Variants in UNC5C observed in about 807,000 individuals in gnomAD.
UNC5C encodes the protein unc-5 netrin receptor C.
In UNC5C, 47 loss-of-function variants were observed where a neutral mutation model predicts 99.8. That is an observed-to-expected ratio of 0.47 (90% CI 0.37 to 0.60). The LOEUF is 0.60. Ranked by LOEUF, UNC5C falls within the 20% of genes least tolerant of loss-of-function variation. The pLI is 0.00. For synonymous variants in UNC5C, 487 were observed against 452.2 expected (o/e 1.08, Z -0.98); for missense variants, 1,062 against 1,165.9 (o/e 0.91, Z 1.30).
intron 2 of UNC5C, among the ~76,000 whole-genome samples, chr4:95,314,584 A>G (rs550158218): frequency 2.0e-3 from 297 of 152,304 alleles, no homozygotes; most frequent in Admixed American, 2.7e-3. Context: ...AGTTCTGACT[A>G]ATTTTGGACA....
intron 1 of UNC5C, among the ~76,000 whole-genome samples, chr4:95,398,940 C>A (rs566733114): frequency 1.1e-3 from 174 of 152,224 alleles, no homozygotes; most frequent in African/African-American, 4.1e-3. Flanking sequence ...TTGTTTCTTA[C>A]TGGAGAGGAA....
chr4:95,385,345 T>A (rs1201414582), intron 1 of UNC5C, among the ~76,000 whole-genome samples: 1 of 152,200 alleles, frequency 6.6e-6, no homozygotes, highest in Non-Finnish European at 1.5e-5. Context: ...GCTGTACTGC[T>A]CAATTTTGTT....
intron 1 of UNC5C, among the ~76,000 whole-genome samples, chr4:95,515,149 T>C (rs1722180344): frequency 6.6e-6 from 1 of 152,202 alleles, no homozygotes; most frequent in Non-Finnish European, 1.5e-5. Flanking sequence ...AAGCTAACAA[T>C]GATTAGAAAT....
At chr4:95,255,866 A>G (rs2149384203) in intron 4 of UNC5C, among the ~76,000 whole-genome samples, 1 of 152,168 alleles carries the variant, frequency 6.6e-6, no homozygotes, top group South Asian at 2.1e-4. Context: ...AACTCCTTGG[A>G]ATAGTTGTTT....
intron 1 of UNC5C, among the ~76,000 whole-genome samples, chr4:95,510,738 A>G (rs1386095385): frequency 1.3e-5 from 2 of 152,162 alleles, no homozygotes; most frequent in East Asian, 3.8e-4. Flanking sequence ...ATCAAGGAAC[A>G]TCTTTTGGTA....
At chr4:95,354,412 A>G (rs868294917) in intron 1 of UNC5C, among the ~76,000 whole-genome samples, 2 of 149,290 alleles carry the variant, frequency 1.3e-5, no homozygotes, top group African/African-American at 5.0e-5. Context: ...CACAACACGC[A>G]GTTTCTACAC....
chr4:95,222,311 A>C, intron 7 of UNC5C: 1 of 1,195,826 alleles, frequency 8.4e-7, no homozygotes, highest in Non-Finnish European at 1.1e-6. Flanking sequence ...ACAAAATCAA[A>C]TTAATGAGGG....
intron 2 of UNC5C, among the ~76,000 whole-genome samples, chr4:95,313,245 T>G (rs1742335975): frequency 6.6e-6 from 1 of 151,990 alleles, no homozygotes; most frequent in South Asian, 2.1e-4. Context: ...GAAGAGAAGA[T>G]TCATGAAGAG....
At chr4:95,544,018 C>G (rs1242691628) in intron 1 of UNC5C, among the ~76,000 whole-genome samples, 2 of 152,072 alleles carry the variant, frequency 1.3e-5, no homozygotes, top group African/African-American at 4.8e-5. Flanking sequence ...AATTATTGAC[C>G]TTTAGTTTCT....
intron 4 of UNC5C, among the ~76,000 whole-genome samples, chr4:95,265,457 C>A (rs1740408956): frequency 6.6e-6 from 1 of 152,130 alleles, no homozygotes; most frequent in African/African-American, 2.4e-5. Context: ...TTGAATTTCT[C>A]TTTTCCATTC....
chr4:95,371,468 AGAT>A (rs1744747764), intron 1 of UNC5C, among the ~76,000 whole-genome samples: 1 of 151,724 alleles, frequency 6.6e-6, no homozygotes, highest in African/African-American at 2.4e-5. Context: ...GAGTTGGAAA[AGAT>A]GAAAACTGAT....
intron 1 of UNC5C, among the ~76,000 whole-genome samples, chr4:95,393,861 TTTA>T (rs1745431804): frequency 1.4e-5 from 2 of 146,488 alleles, no homozygotes; most frequent in Admixed American, 1.3e-4. Context: ...TTTTTTTTTT[TTTA>T]AAAAAAAACA....
chr4:95,287,155 G>A (rs1398943947), intron 3 of UNC5C, among the ~76,000 whole-genome samples: 1 of 152,132 alleles, frequency 6.6e-6, no homozygotes. Context: ...GGTGAGTAAA[G>A]CTGTTTTTGT....
intron 1 of UNC5C, among the ~76,000 whole-genome samples, chr4:95,526,326 C>G (rs1163792418): frequency 6.6e-6 from 1 of 152,078 alleles, no homozygotes; most frequent in African/African-American, 2.4e-5. Flanking sequence ...ATTATGTGGT[C>G]TCCCTACCTC....
intron 1 of UNC5C, among the ~76,000 whole-genome samples, chr4:95,547,733 C>T (rs1253730799): frequency 6.6e-6 from 1 of 152,202 alleles, no homozygotes; most frequent in East Asian, 1.9e-4. Context: ...ACAGCCTTGG[C>T]TCTTTCTTCT....
At position 95,245,382 on chromosome 4, in the gene UNC5C, A is replaced by G. The variant is rs143513552; in HGVS notation, c.776-238T>C. Reference sequence around the variant, plus strand: ...TACTCACCTACTCAGAAAAATAAATAGGACTGTATGTGTTCTCTTTTCTTT... The same window carrying G: ...TACTCACCTACTCAGAAAAATAAATGGGACTGTATGTGTTCTCTTTTCTTT... On this transcript the variant is annotated intron_variant, in intron 5 of 15. Transcript: ENST00000453304. 5.8e-3 allele frequency among the ~76,000 whole-genome samples: 888 copies of G among 152,318 alleles called. 13 individuals are homozygous for G. The highest frequency in any genetic ancestry group is 0.02 in the African/African-American group (824 of 41,570).
At chr4:95,241,716 A>G (rs1739335551) in intron 7 of UNC5C, among the ~76,000 whole-genome samples, 1 of 152,214 alleles carries the variant, frequency 6.6e-6, no homozygotes, top group African/African-American at 2.4e-5. Flanking sequence ...GGGCTCCTCA[A>G]TAAAGGGGTC....
At chr4:95,368,172 T>C (rs1744630819) in intron 1 of UNC5C, among the ~76,000 whole-genome samples, 1 of 151,966 alleles carries the variant, frequency 6.6e-6, no homozygotes, top group African/African-American at 2.4e-5. Flanking sequence ...AATTATATCA[T>C]AAATGAGTAG....
chr4:95,196,072 A>G (rs545372910), intron 12 of UNC5C, among the ~76,000 whole-genome samples: 2 of 152,270 alleles, frequency 1.3e-5, no homozygotes, highest in South Asian at 2.1e-4. Context: ...CCAAAAAGAG[A>G]CTGTCAGGTA....
Sources: gnomAD v4.1 joint callset for allele counts (sites outside exome capture counted in the v4.1 genomes callset) on GRCh38, gnomAD v4.1.1 for gene constraint, MANE v1.5 for transcripts, NCBI Gene and HGNC (gene_info 2026-07-23, HGNC 2026-07-21) for gene names.